Variants in LRP1B observed in about 807,000 individuals in gnomAD.
LRP1B encodes the protein low-density lipoprotein receptor-related protein 1B.
A neutral mutation model predicts 556.6 loss-of-function variants in LRP1B; 217 were observed. The observed-to-expected ratio is 0.39, with a 90% CI of 0.35 to 0.44. The LOEUF is 0.44. Among genes scored for constraint, LRP1B ranks in the 20% least tolerant of loss-of-function variants. The probability of loss-of-function intolerance (pLI) is 1.00; values close to 1 mark genes in which losing one functional copy is unlikely to be tolerated. For missense variants in LRP1B, 5,053 were observed against 5,620.8 expected (o/e 0.90, Z 3.23); for synonymous variants, 2,047 against 1,865.8 (o/e 1.10, Z -2.50).
At chr2:141,338,218 G>A (rs1687918633) in intron 3 of LRP1B, among the ~76,000 whole-genome samples, 1 of 152,100 alleles carries the variant, frequency 6.6e-6, no homozygotes, top group African/African-American at 2.4e-5. Flanking sequence ...AGGTCCCTCA[G>A]AGTTTTGGTT....
intron 3 of LRP1B, among the ~76,000 whole-genome samples, chr2:141,464,660 C>T (rs1312142138): frequency 6.9e-6 from 1 of 144,438 alleles, no homozygotes; most frequent in African/African-American, 2.6e-5. Flanking sequence ...TCTCTATCTC[C>T]TGACCTAGTG....
chr2:141,212,725 C>A (rs1214997489), intron 6 of LRP1B, among the ~76,000 whole-genome samples: 1 of 151,998 alleles, frequency 6.6e-6, no homozygotes, highest in Non-Finnish European at 1.5e-5. Context: ...AAGACCCACC[C>A]CTCAACTGAA....
intron 7 of LRP1B, among the ~76,000 whole-genome samples, chr2:141,132,942 A>T (rs556741153): frequency 2.0e-5 from 3 of 152,024 alleles, no homozygotes; most frequent in African/African-American, 7.2e-5. Context: ...ATCAAAAATG[A>T]TTCCATATTG....
intron 3 of LRP1B, among the ~76,000 whole-genome samples, chr2:141,402,977 G>C (rs1315153492): frequency 2.0e-5 from 3 of 151,984 alleles, no homozygotes; most frequent in Admixed American, 6.6e-5. Flanking sequence ...GTATGAGATG[G>C]AGAGGAAAGG....
chr2:142,004,614 G>A (rs1010868457), intron 1 of LRP1B, among the ~76,000 whole-genome samples: 7 of 152,054 alleles, frequency 4.6e-5, no homozygotes, highest in African/African-American at 1.7e-4. Context: ...GGGAGGCTGA[G>A]GGGGGTGGAT....
At chr2:141,356,492 T>C (rs557710074) in intron 3 of LRP1B, among the ~76,000 whole-genome samples, 39 of 152,078 alleles carry the variant, frequency 2.6e-4, no homozygotes, top group African/African-American at 9.4e-4. Flanking sequence ...TATGAGGAAA[T>C]GATCTAAAGG....
intron 18 of LRP1B, among the ~76,000 whole-genome samples, chr2:140,962,843 C>T (rs1364086383): frequency 6.6e-6 from 1 of 152,044 alleles, no homozygotes; most frequent in African/African-American, 2.4e-5. Context: ...GGTCATATTG[C>T]CAATGACTGA....
At chr2:140,645,032 A>C (rs2105307575) in intron 41 of LRP1B, among the ~76,000 whole-genome samples, 1 of 152,172 alleles carries the variant, frequency 6.6e-6, no homozygotes, top group African/African-American at 2.4e-5. Flanking sequence ...TTTTCTAATT[A>C]TATAGATTAT....
intron 3 of LRP1B, among the ~76,000 whole-genome samples, chr2:141,349,522 T>C (rs1230993052): frequency 2.0e-5 from 3 of 152,074 alleles, no homozygotes; most frequent in African/African-American, 7.2e-5. Context: ...AAAACCCTAT[T>C]GATAATTTTG....
At chr2:140,317,570 T>C (rs980630575) in intron 82 of LRP1B, among the ~76,000 whole-genome samples, 3 of 152,050 alleles carry the variant, frequency 2.0e-5, no homozygotes, top group African/African-American at 7.2e-5. Context: ...CAGCAAATAA[T>C]TGAATACAGA....
intron 23 of LRP1B, among the ~76,000 whole-genome samples, chr2:140,890,865 A>C (rs1021269347): frequency 6.6e-6 from 1 of 152,072 alleles, no homozygotes; most frequent in South Asian, 2.1e-4. Context: ...ATTTGGAGAT[A>C]AAATAAATGA....
At chr2:141,410,385 T>G (rs372883289) in intron 3 of LRP1B, among the ~76,000 whole-genome samples, 1 of 152,038 alleles carries the variant, frequency 6.6e-6, no homozygotes, top group East Asian at 1.9e-4. Context: ...GGTTCTCTCA[T>G]ACAAGGAAAT....
In LRP1B at chr2:140,457,498, T is replaced by A. The variant is rs1273942558; in HGVS notation, c.9779A>T (p.Asp3260Val). The A allele has an allele frequency of 1.9e-6, 3 of 1,613,634 alleles. No individual in the cohort carries two copies. The highest frequency in any genetic ancestry group is 2.5e-6 in the Non-Finnish European group (3 of 1,179,738). ...TCTATAAGAATGATACACCTGGATATCTGTGATGGCATGCCATGAGTAAAT... is the reference window on the plus strand; with the variant it reads ...TCTATAAGAATGATACACCTGGATAACTGTGATGGCATGCCATGAGTAAAT... ...SLIYSWHAIT[D>V]IQVYHSYRQP... Residue 3260 changes from aspartate (D) to valine (V), a missense_variant, in exon 61 of 91, where the codon GAT (aspartate) becomes GTT (valine). Transcript: ENST00000389484.
At chr2:141,983,948 C>T (rs1280988207) in intron 1 of LRP1B, among the ~76,000 whole-genome samples, 1 of 152,102 alleles carries the variant, frequency 6.6e-6, no homozygotes, top group African/African-American at 2.4e-5. Flanking sequence ...ATAATCCCAG[C>T]TACTCAGGAA....
chr2:140,635,066 T>C (rs1280344262), intron 41 of LRP1B, among the ~76,000 whole-genome samples: 1 of 152,132 alleles, frequency 6.6e-6, no homozygotes, highest in African/African-American at 2.4e-5. Context: ...CTCAGTACCA[T>C]CTTCTCAATT....
intron 2 of LRP1B, among the ~76,000 whole-genome samples, chr2:141,798,832 G>A (rs1288803793): frequency 6.6e-6 from 1 of 151,928 alleles, no homozygotes; most frequent in African/African-American, 2.4e-5. Context: ...TCAGAATGTG[G>A]CTGTATTTCA....
chr2:140,953,853 G>C (rs978147331), intron 18 of LRP1B, among the ~76,000 whole-genome samples: 7 of 152,092 alleles, frequency 4.6e-5, no homozygotes, highest in Non-Finnish European at 7.4e-5. Flanking sequence ...ACAGGTCTTA[G>C]AATTCATTTC....
chr2:142,084,991 G>A lies in LRP1B; in HGVS notation c.82+45657C>T, dbSNP rs577401366. Among the ~76,000 whole-genome samples the A allele has an allele frequency of 3.6e-4, 55 of 152,222 alleles. No homozygotes were observed. The South Asian group carries it at 0.01, about 29-fold the overall frequency. On this transcript the variant is annotated intron_variant, in intron 1 of 90. Coordinates refer to ENST00000389484, the MANE Select transcript of LRP1B (RefSeq NM_018557.3). The stretch of plus-strand genomic sequence containing the variant: ...TACAATCTGTCAATGGTTCCTAGAG[G>A]TTTATAGAATAAAGTCCAAGCTCTT...
intron 1 of LRP1B, among the ~76,000 whole-genome samples, chr2:142,106,603 T>C (rs1478929393): frequency 6.6e-6 from 1 of 152,198 alleles, no homozygotes; most frequent in Non-Finnish European, 1.5e-5. Flanking sequence ...TTTTAAAATA[T>C]TTCCTTTTTT....
Sources: gnomAD v4.1 joint callset for allele counts (sites outside exome capture counted in the v4.1 genomes callset) on GRCh38, gnomAD v4.1.1 for gene constraint, MANE v1.5 for transcripts, NCBI Gene and HGNC (gene_info 2026-07-23, HGNC 2026-07-21) for gene names.